Variants in CLTCL1 observed in about 807,000 individuals in gnomAD.
CLTCL1 encodes the protein clathrin heavy chain 2.
CLTCL1 carries 159 observed loss-of-function variants against 190.0 expected under a neutral mutation model. The ratio of observed to expected loss-of-function variants is 0.84; its 90% CI spans 0.74 to 0.95. The LOEUF is 0.95. CLTCL1 is among the 40% of genes least tolerant of loss of function. The probability of loss-of-function intolerance (pLI) is 0.00; values close to 1 mark genes in which losing one functional copy is unlikely to be tolerated. For synonymous variants in CLTCL1, 752 were observed against 769.6 expected (o/e 0.98, Z 0.38); for missense variants, 1,878 against 2,033.4 (o/e 0.92, Z 1.47).
chr22:19,256,155 T>G (rs918180793), intron 2 of CLTCL1, among the ~76,000 whole-genome samples: 8 of 151,516 alleles, frequency 5.3e-5, no homozygotes, highest in Non-Finnish European at 1.0e-4. Flanking sequence ...CTTTTCCTTC[T>G]TTCTTTCTTT....
intron 22 of CLTCL1, among the ~76,000 whole-genome samples, chr22:19,204,065 A>G (rs145453792): frequency 3.3e-5 from 5 of 151,952 alleles, no homozygotes; most frequent in African/African-American, 1.2e-4. Context: ...ATCCTCCTCT[A>G]TGCACTCCCT....
intron 22 of CLTCL1, among the ~76,000 whole-genome samples, chr22:19,202,018 G>C (rs2084902815): frequency 6.6e-6 from 1 of 152,060 alleles, no homozygotes; most frequent in South Asian, 2.1e-4. Context: ...AGAGATGCCA[G>C]CCCTGGGAAC....
intron 7 of CLTCL1, 118 bp from the exon 8 acceptor site, chr22:19,233,740 A>G (rs1601599989): frequency 2.3e-6 from 2 of 865,620 alleles, no homozygotes; most frequent in East Asian, 2.6e-5. Context: ...GCTCTGTCAT[A>G]GACAAAAAGT....
chr22:19,232,924 G>A, intron 9 of CLTCL1: 1 of 563,324 alleles, frequency 1.8e-6, no homozygotes, highest in Non-Finnish European at 3.0e-6. Flanking sequence ...AGGAAGAGAG[G>A]GAGAGAAAAA....
chr22:19,239,456 C>G (rs2086182635), intron 4 of CLTCL1, 68 bp from the exon 5 acceptor site: 1 of 1,153,534 alleles, frequency 8.7e-7, no homozygotes, highest in Admixed American at 1.7e-5. Context: ...AGTCAAGGCA[C>G]AGAGGCAAGT....
intron 29 of CLTCL1, chr22:19,184,333 C>T: frequency 2.6e-6 from 1 of 386,932 alleles, no homozygotes; most frequent in Non-Finnish European, 5.2e-6. Flanking sequence ...GTGACCTGTG[C>T]TCTCCAGGGA....
At chr22:19,260,234 T>A (rs1375572204) in intron 2 of CLTCL1, among the ~76,000 whole-genome samples, 1 of 152,216 alleles carries the variant, frequency 6.6e-6, no homozygotes, top group Non-Finnish European at 1.5e-5. Flanking sequence ...CAAGTTCTGA[T>A]GCAGAAGCTG....
In CLTCL1 at chr22:19,229,891, C is replaced by T. The variant is rs2085864138; in HGVS notation, c.1729G>A (p.Glu577Lys). 1 of 1,611,758 alleles carries T rather than the reference C, an allele frequency of 6.2e-7. No homozygotes were observed. Among genetic ancestry groups the T allele is most frequent in the Admixed American group, 1.7e-5 (1 of 59,696 alleles). The change falls in exon 11 of 33, where the codon GAG (glutamate) becomes AAG (lysine). Residue 577 changes from glutamate (E) to lysine (K), a missense_variant. By Grantham distance (56) the Glu-to-Lys change is moderately conservative. Transcript: ENST00000427926. ...LDALKNNRPA[E>K]GLLQTWLLEM... ...AACAGCCATGTCTGCAGGAGTCCCT[C>T]AGCTGGGCGATTATTCTTCAAGGCA...
In CLTCL1 at chr22:19,242,788, G is replaced by A. The variant is rs2086296558; in HGVS notation, c.668C>T (p.Pro223Leu). 1 of 1,613,868 alleles carries A rather than the reference G, an allele frequency of 6.2e-7. No individual in the cohort carries two copies. The highest frequency in any genetic ancestry group is 2.2e-5 in the East Asian group (1 of 44,870). Residue 223 changes from proline (P) to leucine (L), a missense_variant, in exon 4 of 33, where the codon CCC becomes CTC. Transcript: ENST00000427926. Reference sequence around the variant, plus strand: ...AGTGGATCTTACCTTGCCTCCTGTGGGATTACGTACAGCAAAGCAGAAAAG... The same window carrying A: ...AGTGGATCTTACCTTGCCTCCTGTGAGATTACGTACAGCAAAGCAGAAAAG... Reference protein sequence around the residue: ...ATLFCFAVRNPTGGKLHIIEV... With the variant: ...ATLFCFAVRNLTGGKLHIIEV...
At position 19,235,815 on chromosome 22, in the gene CLTCL1, G is replaced by C. The variant is rs2145897639; in HGVS notation, c.850C>G (p.Leu284Val). 3 of 1,613,962 alleles carry C rather than the reference G, an allele frequency of 1.9e-6. No individual in the cohort carries two copies. Among genetic ancestry groups the C allele is most frequent in the Middle Eastern group, 3.3e-4 (2 of 6,062 alleles). The change falls in exon 6 of 33, where the codon CTG becomes GTG. Residue 284 changes from leucine (L) to valine (V), a missense_variant. Transcript: ENST00000427926. ...YLITKYGYLH[L>V]YDLESGVCIC... ...CACACGCCAGACTCTAGGTCGTACA[G>C]ATGAAGATAGCCATACTTTGTGATC...
At chr22:19,281,557 C>T (rs375245600) in intron 1 of CLTCL1, among the ~76,000 whole-genome samples, 4 of 152,092 alleles carry the variant, frequency 2.6e-5, no homozygotes, top group South Asian at 2.1e-4. Context: ...TGATCGGAGA[C>T]GTAAGTAAAT....
chr22:19,195,310 C>T (rs1172663860), intron 26 of CLTCL1, among the ~76,000 whole-genome samples: 5 of 152,192 alleles, frequency 3.3e-5, no homozygotes, highest in Admixed American at 3.3e-4. Context: ...CTTTCACGTA[C>T]CACCATGCCC....
intron 2 of CLTCL1, among the ~76,000 whole-genome samples, chr22:19,259,108 T>G (rs1410160837): frequency 2.0e-5 from 3 of 152,108 alleles, no homozygotes; most frequent in Non-Finnish European, 4.4e-5. Context: ...CTTGTTTTGT[T>G]GTTTTGTTTT....
chr22:19,183,461 C>T lies in CLTCL1; in HGVS notation c.4756G>A (p.Ala1586Thr). 1 of 1,613,738 alleles carries T rather than the reference C, an allele frequency of 6.2e-7. No homozygotes were observed. Among genetic ancestry groups the T allele is most frequent in the Non-Finnish European group, 8.5e-7 (1 of 1,179,884 alleles). The change falls in exon 30 of 33, where the codon GCC becomes ACC. Residue 1586 changes from alanine to threonine, a missense_variant. By Grantham distance (58) the Ala-to-Thr change is moderately conservative. Coordinates refer to ENST00000427926, the MANE Select transcript of CLTCL1 (RefSeq NM_007098.4). ...AAGTCCACGAGGTTGTGCCTCCAGG[C>T]CAGCTCAAGCACCATGTCTGGGCGA... ...LLRPDMVLEL[A>T]WRHNLVDLAM... is the part of the protein sequence containing the mutation.
At chr22:19,228,791 T>C (rs532045003) in intron 11 of CLTCL1, among the ~76,000 whole-genome samples, 163 of 152,310 alleles carry the variant, frequency 1.1e-3, no homozygotes, top group African/African-American at 3.8e-3. Flanking sequence ...ATATCTAAAT[T>C]TAACCCAAAA....
chr22:19,237,733 C>G (rs2086123067), intron 5 of CLTCL1, among the ~76,000 whole-genome samples: 1 of 152,172 alleles, frequency 6.6e-6, no homozygotes, highest in Non-Finnish European at 1.5e-5. Context: ...ACAGAATGAT[C>G]TACAACATAG....
At chr22:19,243,744 C>T (rs2086331633) in intron 3 of CLTCL1, among the ~76,000 whole-genome samples, 1 of 132,996 alleles carries the variant, frequency 7.5e-6, no homozygotes, top group African/African-American at 2.9e-5. Flanking sequence ...GTCACCCAGG[C>T]TGGAGTGCAG....
At chr22:19,181,837 AG>A (rs1747528666) in intron 30 of CLTCL1, 1 of 152,234 alleles carries the variant, frequency 6.6e-6, no homozygotes, top group Non-Finnish European at 1.5e-5. Flanking sequence ...CTGCCCCAGC[AG>A]GAATAGGTGG....
At chr22:19,290,605 C>T (rs965275700) in intron 1 of CLTCL1, among the ~76,000 whole-genome samples, 3 of 152,148 alleles carry the variant, frequency 2.0e-5, no homozygotes, top group African/African-American at 7.2e-5. Context: ...ATCAAGTTTC[C>T]AGTCTGCAGA....
Sources: gnomAD v4.1 joint callset for allele counts (sites outside exome capture counted in the v4.1 genomes callset) on GRCh38, gnomAD v4.1.1 for gene constraint, MANE v1.5 for transcripts, NCBI Gene and HGNC (gene_info 2026-07-23, HGNC 2026-07-21) for gene names.